PDE4D: variants seen among roughly 807,000 people sequenced by gnomAD.
PDE4D encodes the protein 3',5'-cyclic-AMP phosphodiesterase 4D.
In PDE4D, 24 loss-of-function variants were observed where a neutral mutation model predicts 87.4. That is an observed-to-expected ratio of 0.27 (90% confidence interval 0.20 to 0.39). PDE4D has a LOEUF of 0.39. Among genes scored for constraint, PDE4D ranks in the 10% least tolerant of loss-of-function variants. PDE4D has a pLI of 1.00. For synonymous variants in PDE4D, 384 were observed against 383.2 expected, an observed-to-expected ratio of 1.00 and a Z score of -0.02; for missense variants, 714 against 1,041.0, an observed-to-expected ratio of 0.69 and a Z score of 4.32.
In PDE4D at chr5:60,032,376, GTTC is replaced by G. The variant is rs1188723270; in HGVS notation, c.43-43662_43-43660del. On this transcript the variant is annotated intron_variant, in intron 2 of 16. Transcript: ENST00000502484. ...CATACAACTTCTACTTCTCTATTGC[GTTC>G]TTATTTCTGGATTACAATGCTCTTT... Among the ~76,000 whole-genome samples, 7 of 152,176 alleles carry G rather than the reference GTTC, an allele frequency of 4.6e-5. No homozygotes were observed. The East Asian group carries it at 7.7e-4, about 17-fold the overall frequency.
intron 1 of PDE4D, among the ~76,000 whole-genome samples, chr5:59,551,021 A>G (rs2153687708): frequency 6.6e-6 from 1 of 152,206 alleles, no homozygotes; most frequent in Middle Eastern, 3.4e-3. Context: ...TTAAGACATT[A>G]AAGTCAATGT....
chr5:60,118,561 T>TTGTGTGTGTGTGTGTGTGTG (rs34503506), intron 2 of PDE4D, among the ~76,000 whole-genome samples: 7 of 144,210 alleles, frequency 4.9e-5, no homozygotes, highest in African/African-American at 1.5e-4. Context: ...TGGATGTAGG[T>TTGTGTGTGTGTGTGTGTGTG]TGTGTGTGTG....
chr5:60,005,321 G>A (rs2152841205), intron 2 of PDE4D, among the ~76,000 whole-genome samples: 1 of 152,216 alleles, frequency 6.6e-6, no homozygotes, highest in African/African-American at 2.4e-5. Flanking sequence ...ATGGGGTAAT[G>A]TTGGACACAG....
At chr5:59,762,471 G>T (rs866712787) in intron 1 of PDE4D, among the ~76,000 whole-genome samples, 1 of 121,508 alleles carries the variant, frequency 8.2e-6, no homozygotes. Flanking sequence ...TGTGTATATG[G>T]GTACACATAT....
chr5:60,510,966 T>C (rs1583963095), intron 1 of PDE4D, among the ~76,000 whole-genome samples: 1 of 152,020 alleles, frequency 6.6e-6, no homozygotes, highest in South Asian at 2.1e-4. Context: ...TTTTTTGTTT[T>C]GTTTTGTTTT....
At chr5:60,229,458 T>A (rs1745547937) in intron 1 of PDE4D, among the ~76,000 whole-genome samples, 1 of 152,164 alleles carries the variant, frequency 6.6e-6, no homozygotes, top group Admixed American at 6.5e-5. Context: ...TTCTTAAAGA[T>A]TGCTAAAGTT....
chr5:60,442,866 T>C (rs1745352449), intron 1 of PDE4D, among the ~76,000 whole-genome samples: 1 of 152,142 alleles, frequency 6.6e-6, no homozygotes, highest in South Asian at 2.1e-4. Context: ...ATACGGAATT[T>C]CTATTAATGT....
intron 1 of PDE4D, among the ~76,000 whole-genome samples, chr5:59,619,434 A>G (rs1461092950): frequency 1.3e-5 from 2 of 152,240 alleles, no homozygotes; most frequent in African/African-American, 4.8e-5. Flanking sequence ...TATCACAATC[A>G]TCTGTGGAAT....
chr5:59,273,555 C>T (rs74769401), intron 1 of PDE4D, among the ~76,000 whole-genome samples: 16,152 of 151,090 alleles, frequency 0.11, 895 homozygotes, highest in Middle Eastern at 0.17. Context: ...TATACCCAAG[C>T]GGTTATATTA....
chr5:60,502,085 T>C (rs1002034612), intron 1 of PDE4D, among the ~76,000 whole-genome samples: 9 of 152,046 alleles, frequency 5.9e-5, no homozygotes, highest in Non-Finnish European at 1.2e-4. Flanking sequence ...CCCATGCCTA[T>C]GTCCTGAATG....
At chr5:60,347,025 T>G (rs952601003) in intron 1 of PDE4D, among the ~76,000 whole-genome samples, 1 of 152,162 alleles carries the variant, frequency 6.6e-6, no homozygotes, top group Non-Finnish European at 1.5e-5. Context: ...ATATTCTGAA[T>G]TGTAAACATG....
chr5:59,819,588 T>C (rs1769401738), intron 1 of PDE4D, among the ~76,000 whole-genome samples: 1 of 152,230 alleles, frequency 6.6e-6, no homozygotes, highest in African/African-American at 2.4e-5. Flanking sequence ...GGTCTGCCCA[T>C]CATTTTATTT....
intron 5 of PDE4D, among the ~76,000 whole-genome samples, chr5:59,112,101 A>T (rs1772756971): frequency 6.6e-6 from 1 of 152,172 alleles, no homozygotes; most frequent in Admixed American, 6.5e-5. Flanking sequence ...ATGGTCATGG[A>T]TGGCCTAATG....
intron 1 of PDE4D, among the ~76,000 whole-genome samples, chr5:60,361,340 T>G (rs1164646939): frequency 2.0e-5 from 3 of 152,330 alleles, no homozygotes; most frequent in African/African-American, 7.2e-5. Context: ...AATCAATAAT[T>G]AGTTACTTGA....
At chr5:59,155,578 A>C (rs191209462) in intron 5 of PDE4D, among the ~76,000 whole-genome samples, 129 of 152,324 alleles carry the variant, frequency 8.5e-4, no homozygotes, top group African/African-American at 3.1e-3. Flanking sequence ...TAAAGGATCA[A>C]TAAAGAGTTG....
At chr5:59,539,809 AACACAC>A (rs528711528) in intron 1 of PDE4D, among the ~76,000 whole-genome samples, 3 of 151,994 alleles carry the variant, frequency 2.0e-5, no homozygotes, top group Non-Finnish European at 4.4e-5. Context: ...ATTCTGCTAA[AACACAC>A]ACACACAGAC....
intron 1 of PDE4D, among the ~76,000 whole-genome samples, chr5:59,273,612 T>C (rs1000684333): frequency 2.6e-5 from 4 of 152,176 alleles, no homozygotes; most frequent in Non-Finnish European, 4.4e-5. Flanking sequence ...CTATAGTGTG[T>C]AGTTAAATCT....
chr5:59,011,296 C>G (rs186936856), intron 6 of PDE4D, among the ~76,000 whole-genome samples: 1 of 152,188 alleles, frequency 6.6e-6, no homozygotes, highest in Non-Finnish European at 1.5e-5. Flanking sequence ...CAGAGAATGA[C>G]TTTGACAAGC....
chr5:59,967,824 T>C (rs1469200154), intron 3 of PDE4D, among the ~76,000 whole-genome samples: 1 of 152,042 alleles, frequency 6.6e-6, no homozygotes, highest in Non-Finnish European at 1.5e-5. Context: ...CTATTCACAA[T>C]AGCAAAGATG....
Sources: gnomAD v4.1 joint callset for allele counts (sites outside exome capture counted in the v4.1 genomes callset) on GRCh38, gnomAD v4.1.1 for gene constraint, MANE v1.5 for transcripts, NCBI Gene and HGNC (gene_info 2026-07-23, HGNC 2026-07-21) for gene names.